PHTF2: variants seen among roughly 807,000 people sequenced by gnomAD.
The protein encoded by PHTF2 is putative homeodomain transcription factor 2.
Under a neutral mutation model 101.2 loss-of-function variants are expected in PHTF2, and 60 were observed. The observed-to-expected ratio is 0.59, with a 90% CI of 0.48 to 0.73. PHTF2 has a LOEUF of 0.73. Among genes scored for constraint, PHTF2 ranks in the 30% least tolerant of loss-of-function variants. The pLI, the probability that PHTF2 is intolerant of heterozygous loss-of-function variation, is 0.00. For synonymous variants in PHTF2, 311 were observed against 307.3 expected (o/e 1.01, Z -0.13); for missense variants, 747 against 908.7 (o/e 0.82, Z 2.29).
intron 3 of PHTF2, among the ~76,000 whole-genome samples, chr7:77,856,417 G>T (rs1246913311): frequency 6.6e-6 from 1 of 152,042 alleles, no homozygotes; most frequent in Non-Finnish European, 1.5e-5. Context: ...GTACAGTGGT[G>T]TGCTCATATC....
At chr7:77,861,754 C>T (rs983311261) in intron 3 of PHTF2, among the ~76,000 whole-genome samples, 3 of 152,050 alleles carry the variant, frequency 2.0e-5, no homozygotes, top group African/African-American at 7.2e-5. Context: ...GAAACCTCGT[C>T]TCTACTAAAA....
At chr7:77,854,615 G>C (rs564158588) in intron 2 of PHTF2, 2 of 631,722 alleles carry the variant, frequency 3.2e-6, no homozygotes, top group Non-Finnish European at 5.8e-6. Context: ...CCAGGAGCCA[G>C]AGCCTGGAGT....
At chr7:77,863,495 C>T (rs977866499) in intron 3 of PHTF2, among the ~76,000 whole-genome samples, 22 of 152,084 alleles carry the variant, frequency 1.4e-4, no homozygotes, top group African/African-American at 5.3e-4. Flanking sequence ...TAGGTAGAAC[C>T]TCCTTACATT....
chr7:77,944,976 A>T (rs1344746809), intron 16 of PHTF2, among the ~76,000 whole-genome samples: 1 of 152,220 alleles, frequency 6.6e-6, no homozygotes, highest in East Asian at 1.9e-4. Context: ...TACAGGACAG[A>T]GATAAAGAGA....
chr7:77,908,928 C>A lies in PHTF2; in HGVS notation c.581C>A (p.Pro194His). 4 of 1,612,496 alleles carry A rather than the reference C, an allele frequency of 2.5e-6. No homozygotes were observed. In the African/African-American group the frequency reaches 4.0e-5, roughly 16 times the overall value. ...ATTGTTTCCACAAGAACACCCAAAC[C>A]TCCTCTAAGTACAGGGGGTAAAAGA... The change falls in exon 8 of 20, where the codon CCT becomes CAT. Residue 194 changes from proline (P) to histidine (H), a missense_variant. By Grantham distance (77) the Pro-to-His change is moderately conservative (BLOSUM62 -2). This residue lies in a region of PHTF2 where 92 missense variants were observed against 98.9 expected (regional missense o/e 0.93). Transcript: ENST00000416283.
intron 3 of PHTF2, among the ~76,000 whole-genome samples, chr7:77,886,851 T>A (rs1309475478): frequency 6.6e-6 from 1 of 151,686 alleles, no homozygotes; most frequent in African/African-American, 2.4e-5. Flanking sequence ...CAAGGCCACA[T>A]AGGGAGCAAC....
chr7:77,954,825 G>T, intron 19 of PHTF2, 33 bp from the exon 19 acceptor site: 1 of 1,340,146 alleles, frequency 7.5e-7, no homozygotes, highest in Non-Finnish European at 1.0e-6. Context: ...TATTAAAACT[G>T]GCTTGTCACC....
chr7:77,912,309 A>G (rs1469365781), intron 9 of PHTF2, among the ~76,000 whole-genome samples: 1 of 152,226 alleles, frequency 6.6e-6, no homozygotes, highest in African/African-American at 2.4e-5. Flanking sequence ...CTGGTTTGCT[A>G]GCATATGAAT....
intron 7 of PHTF2, among the ~76,000 whole-genome samples, chr7:77,907,521 C>T (rs1041944975): frequency 1.3e-5 from 2 of 152,106 alleles, no homozygotes; most frequent in Admixed American, 6.5e-5. Flanking sequence ...AATAGTACAA[C>T]AGCTGGGGTG....
chr7:77,836,287 G>A (rs1795463093), intron 1 of PHTF2, among the ~76,000 whole-genome samples: 1 of 152,068 alleles, frequency 6.6e-6, no homozygotes, highest in South Asian at 2.1e-4. Context: ...AGGCAGAAGA[G>A]GTAAAGGAGG....
exon 20 of PHTF2, chr7:77,954,884 C>A: frequency 1.4e-6 from 2 of 1,474,342 alleles, no homozygotes; most frequent in Non-Finnish European, 1.9e-6. Context: ...CATGACAATT[C>A]AAAGAAAAGA....
chr7:77,890,255 T>G (rs1800267481), intron 3 of PHTF2, among the ~76,000 whole-genome samples: 1 of 152,170 alleles, frequency 6.6e-6, no homozygotes, highest in South Asian at 2.1e-4. Flanking sequence ...ACTGTGGAGT[T>G]TCTTAGGCTT....
At chr7:77,918,782 C>G (rs1190733226) in intron 9 of PHTF2, among the ~76,000 whole-genome samples, 2 of 152,254 alleles carry the variant, frequency 1.3e-5, no homozygotes, top group East Asian at 3.9e-4. Context: ...TTATTGTTCC[C>G]TTGGTCTCTC....
At chr7:77,897,989 T>G (rs1293694000) in intron 5 of PHTF2, among the ~76,000 whole-genome samples, 6 of 151,648 alleles carry the variant, frequency 4.0e-5, no homozygotes, top group East Asian at 1.9e-4. Flanking sequence ...GCCTTCTGTT[T>G]TTTTTTTTTT....
At chr7:77,925,079 G>A (rs900320458) in intron 11 of PHTF2, among the ~76,000 whole-genome samples, 1 of 152,128 alleles carries the variant, frequency 6.6e-6, no homozygotes, top group Admixed American at 6.5e-5. Context: ...ACTCCCAATT[G>A]TAGGTTAGCT....
At chr7:77,954,750 T>G (rs749106932) in intron 19 of PHTF2, 108 bp from the exon 19 acceptor site, 1 of 626,136 alleles carries the variant, frequency 1.6e-6, no homozygotes, top group Non-Finnish European at 2.8e-6. Context: ...TATTAGAAAC[T>G]GCACTTGTTT....
chr7:77,905,028 G>A (rs190740628), intron 7 of PHTF2, among the ~76,000 whole-genome samples: 3 of 152,206 alleles, frequency 2.0e-5, no homozygotes, highest in Admixed American at 6.5e-5. Flanking sequence ...GCTATCGTTA[G>A]TGTTAGTGTA....
intron 2 of PHTF2, among the ~76,000 whole-genome samples, chr7:77,847,785 A>G (rs796961791): frequency 1.1e-4 from 17 of 152,324 alleles, no homozygotes; most frequent in East Asian, 3.9e-4. Flanking sequence ...CTGTTATGCT[A>G]TCAAGTACTG....
chr7:77,937,080 G>GA (rs71082797), intron 12 of PHTF2, among the ~76,000 whole-genome samples: 1,597 of 144,142 alleles, frequency 0.011, 25 homozygotes, highest in African/African-American at 0.033. Context: ...GCTTTATCTG[G>GA]AAAAAAAAAA....
Sources: allele counts gnomAD v4.1 joint callset (sites outside exome capture counted in the v4.1 genomes callset), GRCh38; gene constraint gnomAD v4.1.1; regional missense constraint gnomAD v4.1.1; transcripts MANE v1.5; gene names NCBI Gene and HGNC (gene_info 2026-07-23, HGNC 2026-07-21).